Variants in FADS2 observed in about 807,000 individuals in gnomAD.
FADS2 encodes the protein fatty acid desaturase 2.
A neutral mutation model predicts 61.2 loss-of-function variants in FADS2; 18 were observed. The ratio of observed to expected loss-of-function variants is 0.29; its 90% CI spans 0.20 to 0.44. The LOEUF is 0.44. FADS2 is among the 20% of genes least tolerant of loss of function. The pLI is 1.00. For missense variants in FADS2, 322 were observed against 572.7 expected (o/e 0.56, Z 4.47); for synonymous variants, 203 against 223.9 (o/e 0.91, Z 0.83).
At chr11:61,827,100 G>C (rs1376292603), upstream of FADS2, among the ~76,000 whole-genome samples, 1 of 152,062 alleles carries the variant, frequency 6.6e-6, no homozygotes, top group Non-Finnish European at 1.5e-5. This position sits in a 1 kb window ranked among gnomAD's most constrained non-coding sequence, Gnocchi z 4.5. Flanking sequence ...CACGTGTCCC[G>C]TTAGCCCTCC....
At chr11:61,852,526 G>C (rs1319911307) in intron 5 of FADS2, among the ~76,000 whole-genome samples, 1 of 152,158 alleles carries the variant, frequency 6.6e-6, no homozygotes, top group Non-Finnish European at 1.5e-5. Context: ...TTCCCAAAGT[G>C]CTGGGATTAC....
intron 1 of FADS2, among the ~76,000 whole-genome samples, chr11:61,817,919 A>G (rs2067001304): frequency 6.6e-6 from 1 of 152,204 alleles, no homozygotes; most frequent in African/African-American, 2.4e-5. Flanking sequence ...CAACCCTATG[A>G]GGTTGGAACA....
chr11:61,824,445 AGGGAGGGAGGGAGG>A (rs1565325217), upstream of FADS2, among the ~76,000 whole-genome samples: 6 of 3,562 alleles, frequency 1.7e-3, no homozygotes, highest in African/African-American at 4.1e-3. Context: ...GGAGGGAGGG[AGGGAGGGAGGGAGG>A]GAGAGAGAGA....
rs185259753 is a variant in FADS2, at chr11:61,841,661, T to C, written c.618+936T>C. Among the ~76,000 whole-genome samples the C allele has an allele frequency of 2.8e-3, 427 of 152,280 alleles. 1 individual carries two copies. The highest frequency in any genetic ancestry group is 9.7e-3 in the African/African-American group (402 of 41,550). ...CTGTGTTTTTGGTGCCCCCATTCTC[T>C]CCTTCCTCATCTGGCATTTATGCTT... On this transcript the variant is annotated intron_variant, in intron 4 of 11. Transcript: ENST00000278840.
chr11:61,821,386 A>C (rs1425544923), intron 1 of FADS2: 2 of 692,866 alleles, frequency 2.9e-6, no homozygotes, highest in Non-Finnish European at 5.3e-6. Context: ...TAAAGAAAAG[A>C]AAAAAAAAGA....
At chr11:61,846,131 C>CTTTTTTTTTTT (rs550169322) in intron 4 of FADS2, among the ~76,000 whole-genome samples, 2 of 130,478 alleles carry the variant, frequency 1.5e-5, no homozygotes, top group South Asian at 2.4e-4. Flanking sequence ...TCTTTCTTTT[C>CTTTTTTTTTTT]TTTTTTTTTT....
upstream of FADS2, among the ~76,000 whole-genome samples, chr11:61,824,507 G>GAAAGAAAGAAAGAAAGA (rs1565325468): frequency 9.6e-6 from 1 of 104,014 alleles, no homozygotes; most frequent in African/African-American, 3.6e-5. Context: ...AGAAAGGAAA[G>GAAAGAAAGAAAGAAAGA]AAAGAAAGAA....
Position 61,865,573 on chromosome 11 carries a change from C to A in FADS2, c.1284-65C>A. Reference sequence around the variant, plus strand: ...GCCACCTTAATGATGGCCTCCTCAGCCCTTGCACTCCCTGGGGCCACTCCC... The same window carrying A: ...GCCACCTTAATGATGGCCTCCTCAGACCTTGCACTCCCTGGGGCCACTCCC... On this transcript the variant is annotated intron_variant, in intron 11 of 11. Coordinates refer to ENST00000278840, the MANE Select transcript of FADS2 (RefSeq NM_004265.4). This position sits in a 1 kb window ranked among gnomAD's most constrained non-coding sequence, Gnocchi z 4.1. The A allele has an allele frequency of 6.9e-7, 1 of 1,449,620 alleles. No individual in the cohort carries two copies. Among genetic ancestry groups the A allele is most frequent in the Non-Finnish European group, 9.6e-7 (1 of 1,038,142 alleles). 89.8% of individuals were successfully genotyped at this position (1,449,620 alleles called of 1,614,324 possible). A position where few individuals can be genotyped will look rare whatever the true frequency, so the allele number is the denominator to read the frequency against.
chr11:61,854,551 T>G (rs2067338887), intron 5 of FADS2: 1 of 152,272 alleles, frequency 6.6e-6, no homozygotes, highest in Admixed American at 6.5e-5. Context: ...CCCAGCTTTC[T>G]GATCAATTAA....
At chr11:61,828,086 T>C (rs2135952871), upstream of FADS2, 2 of 1,268,406 alleles carry the variant, frequency 1.6e-6, no homozygotes, top group South Asian at 3.9e-5. This position sits in a 1 kb window ranked among gnomAD's most constrained non-coding sequence, Gnocchi z 6.4. Flanking sequence ...GTCGAGGCCC[T>C]GAGCTCCCGG....
At chr11:61,860,424 A>C (rs2067403292) in intron 7 of FADS2, among the ~76,000 whole-genome samples, 2 of 152,190 alleles carry the variant, frequency 1.3e-5, no homozygotes, top group Admixed American at 1.3e-4. Context: ...AGATGCTCCC[A>C]CGCTTCACCC....
In FADS2 at chr11:61,816,315, T is replaced by G; in HGVS notation, c.30T>G (p.Val10=). Residue 10 remains valine, a synonymous_variant, in exon 1 of 12, where the codon GTT becomes GTG. Coordinates refer to the FADS2 transcript ENST00000257261. This position sits in a 1 kb window ranked among gnomAD's most constrained non-coding sequence, Gnocchi z 7.0. ...ACGGCAGGGAGGCGGGACCCTTTGT[T>G]TGTGTGTGCGTGTTGTTGGCCTCCA... 1 of 1,598,228 alleles carries G rather than the reference T, an allele frequency of 6.3e-7. No individual in the cohort carries two copies. The highest frequency in any genetic ancestry group is 8.5e-7 in the Non-Finnish European group (1 of 1,179,746).
intron 5 of FADS2, among the ~76,000 whole-genome samples, chr11:61,850,955 A>G (rs1399263827): frequency 6.6e-6 from 1 of 152,142 alleles, no homozygotes; most frequent in East Asian, 1.9e-4. Flanking sequence ...CACCCGTGAG[A>G]CTATCTGAGC....
intron 2 of FADS2, among the ~76,000 whole-genome samples, chr11:61,839,141 C>A (rs2067198065): frequency 6.6e-6 from 1 of 151,974 alleles, no homozygotes; most frequent in Non-Finnish European, 1.5e-5. Context: ...CTTGACTCCG[C>A]TTTGCCTCCC....
At chr11:61,846,856 CCCTCCAGCCTT>C (rs1207177996) in intron 4 of FADS2, 1 of 152,106 alleles carries the variant, frequency 6.6e-6, no homozygotes, top group African/African-American at 2.4e-5. Flanking sequence ...GTTGAGCCCT[CCCTCCAGCCTT>C]CCTGGTGTGA....
chr11:61,816,962 C>T lies in FADS2; in HGVS notation c.141+536C>T, dbSNP rs2066991725. On this transcript the variant is annotated intron_variant, in intron 1 of 11. Coordinates refer to the FADS2 transcript ENST00000257261. This position sits in a 1 kb window ranked among gnomAD's most constrained non-coding sequence, Gnocchi z 7.0. ...GCCTCGTGGCGCGGGGAGCGAGATC[C>T]CGTCCCCCGGTGGGTCTTGGGCAAC... The T allele has an allele frequency of 2.9e-6, 4 of 1,372,858 alleles. No homozygotes were observed. The highest frequency in any genetic ancestry group is 1.5e-5 in the African/African-American group (1 of 65,342). The allele number at this position is 1,372,858 out of a possible 1,614,324, so 85.0% of individuals were successfully genotyped here. A position where few individuals can be genotyped will look rare whatever the true frequency, so the allele number is the denominator to read the frequency against.
At chr11:61,819,183 G>A (rs1241400372) in intron 1 of FADS2, among the ~76,000 whole-genome samples, 1 of 151,954 alleles carries the variant, frequency 6.6e-6, no homozygotes, top group Non-Finnish European at 1.5e-5. Flanking sequence ...CAGAATTTAG[G>A]AATGTTTTGA....
intron 2 of FADS2, among the ~76,000 whole-genome samples, chr11:61,840,100 T>C (rs982840856): frequency 6.6e-6 from 1 of 152,244 alleles, no homozygotes; most frequent in Non-Finnish European, 1.5e-5. Flanking sequence ...AGTCAAAGCC[T>C]TTCTCTGTCA....
chr11:61,856,787 C>T (rs574490933), intron 5 of FADS2: 156 of 566,300 alleles, frequency 2.8e-4, no homozygotes, highest in Middle Eastern at 9.3e-4. Context: ...GGCCAGTGCT[C>T]GGCTAGGGCT....
Sources: gnomAD v4.1 joint callset for allele counts (sites outside exome capture counted in the v4.1 genomes callset) on GRCh38, gnomAD v4.1.1 for gene constraint, Gnocchi (gnomAD v3.1) non-coding constraint, MANE v1.5 for transcripts, NCBI Gene and HGNC (gene_info 2026-07-23, HGNC 2026-07-21) for gene names.